KIAA1549L: variants seen among roughly 807,000 people sequenced by gnomAD.
The protein encoded by KIAA1549L is KIAA1549 like.
In KIAA1549L, 88 loss-of-function variants were observed where a neutral mutation model predicts 160.7. The observed-to-expected ratio is 0.55, with a 90% CI of 0.46 to 0.65. The LOEUF (loss-of-function observed/expected upper bound fraction) is 0.65. KIAA1549L is among the 30% of genes least tolerant of loss of function. KIAA1549L has a pLI of 0.00. For synonymous variants in KIAA1549L, 950 were observed against 976.7 expected, an observed-to-expected ratio of 0.97 and a Z score of 0.51; for missense variants, 2,258 against 2,437.5, an observed-to-expected ratio of 0.93 and a Z score of 1.55.
At chr11:33,411,681 TGTA>T (rs1184340824) in intron 1 of KIAA1549L, among the ~76,000 whole-genome samples, 1 of 152,224 alleles carries the variant, frequency 6.6e-6, no homozygotes, top group Non-Finnish European at 1.5e-5. Flanking sequence ...GCAAGTTTGA[TGTA>T]GTCTTTCTTT....
At chr11:33,514,465 T>C (rs1298603590) in intron 1 of KIAA1549L, among the ~76,000 whole-genome samples, 1 of 152,192 alleles carries the variant, frequency 6.6e-6, no homozygotes, top group Non-Finnish European at 1.5e-5. Flanking sequence ...TGTGCCAGAT[T>C]AGGAGGACTT....
chr11:33,467,936 C>T (rs542280274), intron 1 of KIAA1549L, among the ~76,000 whole-genome samples: 2 of 152,334 alleles, frequency 1.3e-5, no homozygotes, highest in East Asian at 3.9e-4. Context: ...GTCTTTTGAG[C>T]TCCTTGGAGT....
At chr11:33,408,489 G>GTA (rs138063173) in intron 1 of KIAA1549L, among the ~76,000 whole-genome samples, 3,838 of 122,996 alleles carry the variant, frequency 0.031, 97 homozygotes, top group African/African-American at 0.07. Context: ...CTGTATATGT[G>GTA]TATATATATA....
intron 17 of KIAA1549L, among the ~76,000 whole-genome samples, chr11:33,649,768 C>T (rs1036442087): frequency 6.7e-6 from 1 of 150,010 alleles, no homozygotes; most frequent in Non-Finnish European, 1.5e-5. Context: ...ATTTCTGCAT[C>T]TGTAGTTCCA....
At chr11:33,417,406 T>G (rs537100584) in intron 1 of KIAA1549L, among the ~76,000 whole-genome samples, 1 of 152,204 alleles carries the variant, frequency 6.6e-6, no homozygotes, top group African/African-American at 2.4e-5. Flanking sequence ...TTCTGTTTTA[T>G]TCTGTTCTAT....
chr11:33,648,684 C>T (rs983364600), intron 17 of KIAA1549L, among the ~76,000 whole-genome samples: 1 of 151,566 alleles, frequency 6.6e-6, no homozygotes, highest in African/African-American at 2.4e-5. Context: ...ATATTTTACC[C>T]GTTAACTCTG....
intron 1 of KIAA1549L, among the ~76,000 whole-genome samples, chr11:33,499,541 G>A (rs1053230513): frequency 2.0e-5 from 3 of 152,188 alleles, no homozygotes; most frequent in African/African-American, 7.2e-5. Flanking sequence ...TTGATTGAGT[G>A]GGTGAATAGA....
At chr11:33,568,742 A>G (rs1185034363) in intron 9 of KIAA1549L, among the ~76,000 whole-genome samples, 2 of 152,196 alleles carry the variant, frequency 1.3e-5, no homozygotes, top group African/African-American at 4.8e-5. Context: ...GGCTGGAGGA[A>G]TGTAGCAGAC....
chr11:33,558,300 G>A (rs956473795), intron 6 of KIAA1549L, among the ~76,000 whole-genome samples: 2 of 152,216 alleles, frequency 1.3e-5, no homozygotes, highest in South Asian at 2.1e-4. Flanking sequence ...GGAGCAGTAC[G>A]GTACCCAAGG....
intron 16 of KIAA1549L, among the ~76,000 whole-genome samples, chr11:33,619,908 T>C (rs1366725588): frequency 3.9e-5 from 6 of 152,244 alleles, no homozygotes; most frequent in Non-Finnish European, 1.5e-5. Flanking sequence ...CCAGTTAATC[T>C]TTCCCCACCA....
Position 33,609,898 on chromosome 11 carries a change from G to A in KIAA1549L, c.5211G>A (p.Pro1737=), listed in dbSNP as rs61735320. The A allele has an allele frequency of 6.8e-4, 1,092 of 1,613,978 alleles. 8 individuals carry two copies. The African/African-American group carries it at 0.01, about 15-fold the overall frequency. The change falls in exon 15 of 21, where the codon CCG becomes CCA. Residue 1737 remains proline (P), a synonymous_variant. Coordinates refer to ENST00000658780, the MANE Select transcript of KIAA1549L (RefSeq NM_012194.3). ...GAAAGAAGATGTATGAAAAAGCCCCGAAGGAAATGGAGCATGTTTTGGATC... is the reference window on the plus strand; with the variant it reads ...GAAAGAAGATGTATGAAAAAGCCCCAAAGGAAATGGAGCATGTTTTGGATC... The part of the protein sequence containing the change: ...TERKKMYEKA[P]KEMEHVLDPD...
At chr11:33,470,660 T>C (rs1323800216) in intron 1 of KIAA1549L, among the ~76,000 whole-genome samples, 1 of 152,084 alleles carries the variant, frequency 6.6e-6, no homozygotes, top group Non-Finnish European at 1.5e-5. Flanking sequence ...AGGCTGGTCT[T>C]GAACTCTTGA....
At chr11:33,593,276 T>G (rs546911327) in intron 12 of KIAA1549L, among the ~76,000 whole-genome samples, 8 of 151,982 alleles carry the variant, frequency 5.3e-5, no homozygotes, top group Non-Finnish European at 8.8e-5. Context: ...CAAAATAAAA[T>G]TATATAAAAA....
intron 1 of KIAA1549L, among the ~76,000 whole-genome samples, chr11:33,470,166 A>G (rs1211238188): frequency 6.6e-6 from 1 of 152,104 alleles, no homozygotes; most frequent in Non-Finnish European, 1.5e-5. Context: ...ATTTAGGTTC[A>G]TGATGCATTT....
intron 15 of KIAA1549L, among the ~76,000 whole-genome samples, chr11:33,611,338 G>A (rs1431057891): frequency 1.3e-5 from 2 of 152,134 alleles, no homozygotes; most frequent in African/African-American, 4.8e-5. Context: ...GCCTGAGTAA[G>A]TACTTATTAA....
intron 8 of KIAA1549L, among the ~76,000 whole-genome samples, chr11:33,566,974 G>T (rs898737805): frequency 6.6e-6 from 1 of 152,214 alleles, no homozygotes; most frequent in South Asian, 2.1e-4. Flanking sequence ...GGCAGCCTTT[G>T]TGTGTTTGGG....
intron 1 of KIAA1549L, among the ~76,000 whole-genome samples, chr11:33,462,041 G>A (rs1851952717): frequency 6.6e-6 from 1 of 152,228 alleles, no homozygotes; most frequent in African/African-American, 2.4e-5. Context: ...TCCAAAGAGA[G>A]TGTGAATCAT....
chr11:33,441,870 T>C (rs1028312923), intron 1 of KIAA1549L, among the ~76,000 whole-genome samples: 7 of 152,212 alleles, frequency 4.6e-5, no homozygotes, highest in Admixed American at 1.3e-4. Flanking sequence ...TTCTGTAGGT[T>C]GCCTGTTCAC....
chr11:33,622,315 G>A (rs1850979655), intron 16 of KIAA1549L, among the ~76,000 whole-genome samples: 1 of 152,182 alleles, frequency 6.6e-6, no homozygotes, highest in African/African-American at 2.4e-5. Context: ...AAAATCATCG[G>A]CGGGTTGAAG....
Sources: gnomAD v4.1 joint callset for allele counts (sites outside exome capture counted in the v4.1 genomes callset) on GRCh38, gnomAD v4.1.1 for gene constraint, MANE v1.5 for transcripts, NCBI Gene and HGNC (gene_info 2026-07-23, HGNC 2026-07-21) for gene names.